ASIC2: variants seen among roughly 807,000 people sequenced by gnomAD.
The protein encoded by ASIC2 is acid-sensing ion channel 2.
A neutral mutation model predicts 57.3 loss-of-function variants in ASIC2; 25 were observed. The ratio of observed to expected loss-of-function variants is 0.44; its 90% CI spans 0.32 to 0.61. The LOEUF is 0.61. Among genes scored for constraint, ASIC2 ranks in the 20% least tolerant of loss-of-function variants. ASIC2 has a pLI of 0.06. For missense variants in ASIC2, 641 were observed against 738.1 expected (o/e 0.87, Z 1.52); for synonymous variants, 319 against 307.5 (o/e 1.04, Z -0.39).
At chr17:33,626,342 T>C (rs116804297) in intron 1 of ASIC2, among the ~76,000 whole-genome samples, 10 of 152,356 alleles carry the variant, frequency 6.6e-5, no homozygotes, top group African/African-American at 2.4e-4. Context: ...ACGTATGTTA[T>C]TTTTTAATGC....
chr17:33,038,517 G>C lies in ASIC2; in HGVS notation c.988-10125C>G, dbSNP rs546212011. ...ATGAACATGTAGGGTGGATGAGCTA[G>C]CCCGGAGATCGAGGAGAGACACCCA... On this transcript the variant is annotated intron_variant, in intron 3 of 9. Coordinates refer to ENST00000225823, the MANE Select transcript of ASIC2 (RefSeq NM_183377.2). 2.6e-5 allele frequency among the ~76,000 whole-genome samples: 4 copies of C among 152,282 alleles called. No homozygotes were observed. In the South Asian group the frequency reaches 8.3e-4, roughly 32 times the overall value.
intron 1 of ASIC2, among the ~76,000 whole-genome samples, chr17:33,920,841 C>A (rs1023012648): frequency 1.3e-5 from 2 of 152,298 alleles, no homozygotes; most frequent in Middle Eastern, 3.4e-3. Flanking sequence ...GGAGCCCCCA[C>A]CACACAACAT....
chr17:34,011,085 G>GCGCA (rs1555580952), intron 1 of ASIC2, among the ~76,000 whole-genome samples: 2 of 36,902 alleles, frequency 5.4e-5, no homozygotes, highest in African/African-American at 1.7e-4. Flanking sequence ...GCAGACACAT[G>GCGCA]CACACACACA....
chr17:33,397,457 C>T (rs775735109), intron 1 of ASIC2, among the ~76,000 whole-genome samples: 1 of 152,086 alleles, frequency 6.6e-6, no homozygotes, highest in Non-Finnish European at 1.5e-5. Context: ...AGCAGGTGCT[C>T]AGTAAATGAC....
At chr17:33,922,287 C>T (rs1567756903) in intron 1 of ASIC2, among the ~76,000 whole-genome samples, 1 of 152,056 alleles carries the variant, frequency 6.6e-6, no homozygotes, top group Non-Finnish European at 1.5e-5. Context: ...CTCCCTCCCT[C>T]CTTCCTTCCC....
At chr17:33,205,965 G>A (rs1247380210) in intron 1 of ASIC2, among the ~76,000 whole-genome samples, 1 of 152,172 alleles carries the variant, frequency 6.6e-6, no homozygotes, top group African/African-American at 2.4e-5. Context: ...CATGTAAACA[G>A]AAAGCTCAAC....
chr17:34,110,277 C>A lies in ASIC2; in HGVS notation c.555+45701G>T, dbSNP rs1234651522. On this transcript the variant is annotated intron_variant, in intron 1 of 9. Transcript: ENST00000359872. Reference sequence around the variant, plus strand: ...TCAGCCCCAGCAACCACTTTTTTCTCTCTTTCTGGAATACTTTCTAAGGTA... The same window carrying A: ...TCAGCCCCAGCAACCACTTTTTTCTATCTTTCTGGAATACTTTCTAAGGTA... Among the ~76,000 whole-genome samples the A allele has an allele frequency of 3.9e-5, 6 of 152,310 alleles. No individual in the cohort carries two copies. The East Asian group carries it at 1.2e-3, about 29-fold the overall frequency.
intron 1 of ASIC2, among the ~76,000 whole-genome samples, chr17:33,217,415 C>G (rs760562245): frequency 3.9e-5 from 6 of 152,216 alleles, no homozygotes; most frequent in Non-Finnish European, 7.3e-5. Flanking sequence ...AACACACACG[C>G]ACGTACTCAT....
chr17:33,350,676 T>C lies in ASIC2; in HGVS notation c.556-238609A>G, dbSNP rs557255454. 5.5e-3 allele frequency among the ~76,000 whole-genome samples: 502 copies of C among 90,630 alleles called. 1 individual carries two copies. Among genetic ancestry groups the C allele is most frequent in the South Asian group, 6.9e-3 (26 of 3,746 alleles). 59.5% of individuals were successfully genotyped at this position (90,630 alleles called of 152,430 possible). On this transcript the variant is annotated intron_variant, in intron 1 of 9. Coordinates refer to the ASIC2 transcript ENST00000359872. ...CAGTCTGGGCAACAGAGCGAGACTC[T>C]GTGAGAAAAAAAAAGAAAGAAAGAA...
At chr17:34,038,604 T>C in intron 1 of ASIC2, 2 of 1,602,510 alleles carry the variant, frequency 1.2e-6, no homozygotes, top group Admixed American at 1.7e-5. Flanking sequence ...TTATCTTCAT[T>C]ATGTATCCTT....
chr17:33,516,116 A>G (rs1049503381), intron 1 of ASIC2, among the ~76,000 whole-genome samples: 12 of 150,920 alleles, frequency 8.0e-5, no homozygotes, highest in African/African-American at 1.2e-4. Context: ...AAAACAAAAC[A>G]AAACAAAACA....
intron 1 of ASIC2, among the ~76,000 whole-genome samples, chr17:33,570,177 T>G (rs1434587): frequency 0.54 from 81,808 of 152,124 alleles, 23,330 homozygotes; most frequent in African/African-American, 0.74. Flanking sequence ...CCCTTTGGGT[T>G]TTTGACTTTT....
chr17:33,278,026 C>T (rs919307638), intron 1 of ASIC2, among the ~76,000 whole-genome samples: 6 of 152,086 alleles, frequency 3.9e-5, no homozygotes, highest in Non-Finnish European at 5.9e-5. Flanking sequence ...TTCCCCAACT[C>T]GGGGCCTTTG....
chr17:33,016,001 C>T lies in ASIC2; in HGVS notation c.1560G>A (p.Glu520=), dbSNP rs749779467. 3.1e-6 allele frequency: 5 copies of T among 1,614,022 alleles called. No individual in the cohort carries two copies. The highest frequency in any genetic ancestry group is 3.3e-4 in the Middle Eastern group (2 of 6,050). Residue 520 remains glutamate (E), a synonymous_variant, in exon 9 of 10, where the codon GAG becomes GAA. Coordinates refer to ENST00000225823, the MANE Select transcript of ASIC2 (RefSeq NM_183377.2). ...TCTCATCGTGGCTCCCTTCGTCCTC[C>T]TCTTTGCCAAGCAGGTCTAATAGCT... ...KEKLLDLLGK[E]EDEGSHDENV...
intron 1 of ASIC2, among the ~76,000 whole-genome samples, chr17:33,900,546 T>C (rs544168336): frequency 6.6e-6 from 1 of 152,336 alleles, no homozygotes; most frequent in Admixed American, 6.5e-5. Flanking sequence ...TTATTTTGAC[T>C]CATGAGAAGT....
chr17:33,525,074 G>A (rs1430195425), intron 1 of ASIC2, among the ~76,000 whole-genome samples: 1 of 152,128 alleles, frequency 6.6e-6, no homozygotes, highest in East Asian at 1.9e-4. Flanking sequence ...CGATACCTGT[G>A]TCATTCCTGT....
At chr17:33,934,128 G>A (rs947564817) in intron 1 of ASIC2, among the ~76,000 whole-genome samples, 3 of 152,142 alleles carry the variant, frequency 2.0e-5, no homozygotes, top group African/African-American at 7.2e-5. Context: ...AGAAGGTCAC[G>A]GTGGCTGAGA....
At chr17:34,107,281 C>G (rs908409548) in intron 1 of ASIC2, among the ~76,000 whole-genome samples, 6 of 152,108 alleles carry the variant, frequency 3.9e-5, no homozygotes, top group Non-Finnish European at 5.9e-5. Flanking sequence ...GCAGGCAGAT[C>G]ACTTGAGTCC....
chr17:33,766,749 G>A (rs2142116887), intron 1 of ASIC2, among the ~76,000 whole-genome samples: 1 of 152,304 alleles, frequency 6.6e-6, no homozygotes, highest in African/African-American at 2.4e-5. Flanking sequence ...GTTAAACTCT[G>A]TGCTATTTGA....
Sources: gnomAD v4.1 joint callset for allele counts (sites outside exome capture counted in the v4.1 genomes callset) on GRCh38, gnomAD v4.1.1 for gene constraint, MANE v1.5 for transcripts, NCBI Gene and HGNC (gene_info 2026-07-23, HGNC 2026-07-21) for gene names.